Variants in ZBTB16 observed in about 807,000 individuals in gnomAD.
ZBTB16 encodes zinc finger and BTB domain containing 16, also known as zinc finger and BTB domain-containing protein 16.
Under a neutral mutation model 56.8 loss-of-function variants are expected in ZBTB16, and 8 were observed. The ratio of observed to expected loss-of-function variants is 0.14; its 90% CI spans 0.08 to 0.25. ZBTB16 has a LOEUF of 0.25. ZBTB16 is among the 10% of genes least tolerant of loss of function. The pLI, the probability that ZBTB16 is intolerant of heterozygous loss-of-function variation, is 1.00. For missense variants in ZBTB16, 625 were observed against 903.0 expected, an observed-to-expected ratio of 0.69 and a Z score of 3.95; for synonymous variants, 363 against 368.5, an observed-to-expected ratio of 0.98 and a Z score of 0.17.
intron 4 of ZBTB16, among the ~76,000 whole-genome samples, chr11:114,201,395 G>A (rs1252349216): frequency 1.7e-4 from 26 of 152,172 alleles, no homozygotes; most frequent in Non-Finnish European, 2.9e-5. Context: ...GTTGCTCCCT[G>A]AGGAATCCGG....
In ZBTB16 at chr11:114,247,255, T is replaced by A; in HGVS notation, c.1682T>A (p.Leu561His). 1.2e-6 allele frequency: 2 copies of A among 1,614,116 alleles called. No individual in the cohort carries two copies. Among genetic ancestry groups the A allele is most frequent in the Non-Finnish European group, 1.7e-6 (2 of 1,180,028 alleles). ...CGSCFRDESTLKSHKRIHTGE... is the reference protein window; with the variant it reads ...CGSCFRDESTHKSHKRIHTGE... Reference sequence around the variant, plus strand: ...AGCTGCTTCCGGGATGAGAGCACACTCAAGAGCCACAAACGCATCCACACG... The same window carrying A: ...AGCTGCTTCCGGGATGAGAGCACACACAAGAGCCACAAACGCATCCACACG... Residue 561 changes from leucine to histidine, a missense_variant, in exon 6 of 7, where the codon CTC (leucine) becomes CAC (histidine). Coordinates refer to ENST00000335953, the MANE Select transcript of ZBTB16 (RefSeq NM_006006.6).
At chr11:114,097,085 G>A (rs952893507) in intron 2 of ZBTB16, among the ~76,000 whole-genome samples, 3 of 152,162 alleles carry the variant, frequency 2.0e-5, no homozygotes, top group Non-Finnish European at 1.5e-5. Flanking sequence ...ACAAAATGTG[G>A]TATATACATA....
chr11:114,106,671 A>G (rs189253516), intron 2 of ZBTB16, among the ~76,000 whole-genome samples: 1 of 152,044 alleles, frequency 6.6e-6, no homozygotes, highest in Non-Finnish European at 1.5e-5. Context: ...TTGGGGATTC[A>G]CCATGTTGGC....
intron 4 of ZBTB16, chr11:114,187,996 G>C (rs1284009374): frequency 5.8e-6 from 1 of 171,592 alleles, no homozygotes; most frequent in Middle Eastern, 2.3e-3. Flanking sequence ...CTAGTTGCAG[G>C]AAAACAAGCT....
At chr11:114,227,969 T>G (rs1278174192) in intron 4 of ZBTB16, among the ~76,000 whole-genome samples, 2 of 152,156 alleles carry the variant, frequency 1.3e-5, no homozygotes, top group Non-Finnish European at 2.9e-5. Context: ...TCTCCAGAAC[T>G]CTTATCATCC....
At chr11:114,242,088 T>C in intron 4 of ZBTB16, 79 bp from the exon 5 acceptor site, 10 of 1,575,060 alleles carry the variant, frequency 6.3e-6, no homozygotes, top group Non-Finnish European at 8.7e-6. Context: ...GTCCCGACAC[T>C]GGCTCTCACT....
rs756678200 is a variant in ZBTB16, at chr11:114,063,828, C to T, written c.528C>T (p.Leu176=). 3.7e-6 allele frequency: 6 copies of T among 1,614,154 alleles called. No homozygotes were observed. In the East Asian group the frequency reaches 1.3e-4, roughly 36 times the overall value. Residue 176 remains leucine (L), a synonymous_variant, in exon 2 of 7, where the codon CTC becomes CTT. Coordinates refer to ENST00000335953, the MANE Select transcript of ZBTB16 (RefSeq NM_006006.6). This position sits in a 1 kb window ranked among gnomAD's most constrained non-coding sequence, Gnocchi z 6.5. ...ATGCCAGTGTGGCTGGACAGAGCCT[C>T]CCTGGGCCCATGGTGGACCAGAGCC... ...SGYASVAGQS[L]PGPMVDQSPS...
intron 4 of ZBTB16, among the ~76,000 whole-genome samples, chr11:114,212,242 A>G (rs1473210172): frequency 6.6e-6 from 1 of 152,156 alleles, no homozygotes; most frequent in African/African-American, 2.4e-5. Flanking sequence ...GTCGCAGGAA[A>G]ATTCATCTTG....
At chr11:114,229,039 C>T (rs1350000147) in intron 4 of ZBTB16, among the ~76,000 whole-genome samples, 1 of 152,122 alleles carries the variant, frequency 6.6e-6, no homozygotes, top group Admixed American at 6.6e-5. Flanking sequence ...CAGTAACACC[C>T]ACACACACAC....
chr11:114,250,584 G>T lies in ZBTB16; in HGVS notation c.*29G>T, dbSNP rs754982750. The stretch of plus-strand genomic sequence containing the variant: ...GAGGCCCGCGGCGGTGGAGCCGAGC[G>T]GGGAGCCAGGAAAGAAGAGTTGGAG... On this transcript the variant is annotated 3_prime_UTR_variant, in exon 7 of 7. Transcript: ENST00000335953. The surrounding 1 kb of genome is among the most constrained non-coding windows in gnomAD (Gnocchi z 6.0). 1.2e-6 allele frequency: 2 copies of T among 1,610,288 alleles called. No homozygotes were observed. The highest frequency in any genetic ancestry group is 1.7e-5 in the Admixed American group (1 of 59,978).
chr11:114,140,101 T>A (rs1001687319), intron 2 of ZBTB16, among the ~76,000 whole-genome samples: 1 of 152,188 alleles, frequency 6.6e-6, no homozygotes. Flanking sequence ...TCCACAACAT[T>A]CACCTTGCCT....
intron 4 of ZBTB16, among the ~76,000 whole-genome samples, chr11:114,235,624 CCCTTCCTT>C (rs1245882340): frequency 1.4e-4 from 17 of 125,156 alleles, no homozygotes; most frequent in Non-Finnish European, 2.4e-4. Flanking sequence ...CTTTCCCTCT[CCCTTCCTT>C]TCTTTCTTTC....
rs1186755330 is a variant in ZBTB16, at chr11:114,078,949, G to T, written c.1268+14381G>T. 5.3e-5 allele frequency among the ~76,000 whole-genome samples: 8 copies of T among 151,880 alleles called. No individual in the cohort carries two copies. The South Asian group carries it at 8.3e-4, about 16-fold the overall frequency. ...TGCCTGTAATCCCAGCTAGTCGGGG[G>T]AGGCTGAGGCAGGAAAATCGCTTGG... is the stretch of plus-strand genomic sequence containing the variant. On this transcript the variant is annotated intron_variant, in intron 2 of 6. Transcript: ENST00000335953.
chr11:114,113,813 A>T (rs940780534), intron 2 of ZBTB16, among the ~76,000 whole-genome samples: 3 of 152,228 alleles, frequency 2.0e-5, no homozygotes, highest in African/African-American at 7.2e-5. Flanking sequence ...ATTGGGGCAG[A>T]TATAAGTTAG....
At chr11:114,195,513 T>G (rs1298176472) in intron 4 of ZBTB16, among the ~76,000 whole-genome samples, 1 of 152,080 alleles carries the variant, frequency 6.6e-6, no homozygotes, top group Non-Finnish European at 1.5e-5. Context: ...CTAGAGGACA[T>G]TACTTCCTAG....
At position 114,122,494 on chromosome 11, in the gene ZBTB16, T is replaced by A. The variant is rs368778935; in HGVS notation, c.1269-33843T>A. ...GGTGGAAAGTAAAATAACCAATTTA[T>A]GCCAGCCTAAGTTAAACAAGAGGAT... On this transcript the variant is annotated intron_variant, in intron 2 of 6. Transcript: ENST00000335953. Among the ~76,000 whole-genome samples the A allele has an allele frequency of 6.6e-5, 10 of 152,230 alleles. No homozygotes were observed. The East Asian group carries it at 9.6e-4, about 15-fold the overall frequency.
chr11:114,245,218 G>A (rs912778367), intron 5 of ZBTB16, among the ~76,000 whole-genome samples: 7 of 152,220 alleles, frequency 4.6e-5, no homozygotes, highest in African/African-American at 1.7e-4. Context: ...AGTGAGGATG[G>A]GCAGGTAGCA....
chr11:114,064,655 G>A lies in ZBTB16; in HGVS notation c.1268+87G>A, dbSNP rs756449171. 1.3e-6 allele frequency: 2 copies of A among 1,519,184 alleles called. No homozygotes were observed. The highest frequency in any genetic ancestry group is 1.8e-6 in the Non-Finnish European group (2 of 1,117,138). The allele number at this position is 1,519,184 out of a possible 1,614,324, so 94.1% of individuals were successfully genotyped here. ...CACCCTGGCTGCTCCCAAGTTAGGGGCCTGGCTCCCCTGTCTTGGCAATTT... is the reference window on the plus strand; with the variant it reads ...CACCCTGGCTGCTCCCAAGTTAGGGACCTGGCTCCCCTGTCTTGGCAATTT... On this transcript the variant is annotated intron_variant, in intron 2 of 6. Transcript: ENST00000335953. The surrounding 1 kb of genome is among the most constrained non-coding windows in gnomAD (Gnocchi z 4.2).
rs1282244370 is a variant in ZBTB16, at chr11:114,063,448, A to G, written c.148A>G (p.Thr50Ala). Residue 50 changes from threonine (T) to alanine (A), a missense_variant, in exon 2 of 7, where the codon ACG becomes GCG. Physicochemically the swap from Thr to Ala is moderately conservative, Grantham distance 58. Transcript: ENST00000335953. The surrounding 1 kb of genome is among the most constrained non-coding windows in gnomAD (Gnocchi z 6.5). Reference protein sequence around the residue: ...VDSQEFHAHRTVLACTSKMFE... With the variant: ...VDSQEFHAHRAVLACTSKMFE... ...CAGCCAGGAGTTCCACGCCCACCGG[A>G]CGGTGCTGGCCTGCACCAGCAAGAT... 1 of 1,614,074 alleles carries G rather than the reference A, an allele frequency of 6.2e-7. No homozygotes were observed. Among genetic ancestry groups the G allele is most frequent in the African/African-American group, 1.3e-5 (1 of 74,928 alleles).
Sources: allele counts gnomAD v4.1 joint callset (sites outside exome capture counted in the v4.1 genomes callset), GRCh38; gene constraint gnomAD v4.1.1; non-coding constraint Gnocchi (gnomAD v3.1); transcripts MANE v1.5; gene names NCBI Gene and HGNC (gene_info 2026-07-23, HGNC 2026-07-21).